The following COL4A4 variants were observed in gnomAD, a reference collection of about 807,000 sequenced individuals.
The protein encoded by COL4A4 is collagen type IV alpha 4 chain.
COL4A4 carries 105 observed loss-of-function variants against 192.9 expected under a neutral mutation model. That is an observed-to-expected ratio of 0.54 (90% CI 0.46 to 0.64). The LOEUF (loss-of-function observed/expected upper bound fraction) is 0.64, where lower values mean the gene tolerates loss of function less well. Among genes scored for constraint, COL4A4 ranks in the 30% least tolerant of loss-of-function variants. The pLI, the probability that COL4A4 is intolerant of heterozygous loss-of-function variation, is 0.00. For missense variants in COL4A4, 1,967 were observed against 2,169.3 expected, an observed-to-expected ratio of 0.91 and a Z score of 1.85; for synonymous variants, 762 against 769.9, an observed-to-expected ratio of 0.99 and a Z score of 0.17.
intron 25 of COL4A4, among the ~76,000 whole-genome samples, chr2:227,076,526 C>T (rs1449405674): frequency 2.0e-5 from 3 of 152,118 alleles, no homozygotes; most frequent in Non-Finnish European, 2.9e-5. Context: ...AAACCCAAAA[C>T]CATAAAAACC....
At chr2:227,119,706 T>C (rs1005092546) in intron 6 of COL4A4, among the ~76,000 whole-genome samples, 189 bp downstream of exon 6, 1 of 148,814 alleles carries the variant, frequency 6.7e-6, no homozygotes, top group Non-Finnish European at 1.5e-5. Flanking sequence ...TATGTAGATA[T>C]ATATTATGGT....
At chr2:227,084,064 C>A (rs775987330) in intron 22 of COL4A4, among the ~76,000 whole-genome samples, 4 of 152,084 alleles carry the variant, frequency 2.6e-5, no homozygotes, top group Admixed American at 1.3e-4. Context: ...GTCTGTGAAC[C>A]ATCAAAAAGG....
chr2:227,159,455 G>T (rs1376704339), intron 1 of COL4A4, among the ~76,000 whole-genome samples: 1 of 152,210 alleles, frequency 6.6e-6, no homozygotes, highest in Admixed American at 6.5e-5. Flanking sequence ...GCTTTAAGTG[G>T]ATGCAATTTA....
At chr2:226,990,397 T>C in the COL4A4 span, among the ~76,000 whole-genome samples, 1 of 152,158 alleles carries the variant, frequency 6.6e-6, no homozygotes, top group Non-Finnish European at 1.5e-5. Context: ...TTTCCTGGTT[T>C]AGAAAAAAAG....
Position 227,118,924 on chromosome 2 carries a change from A to G in COL4A4, c.373-163T>C, listed in dbSNP as rs56153742. Among the ~76,000 whole-genome samples, 3,207 of 152,342 alleles carry G rather than the reference A, an allele frequency of 0.021. 52 individuals are homozygous for G. The highest frequency in any genetic ancestry group is 0.03 in the Non-Finnish European group (2,059 of 68,026). On this transcript the variant is annotated intron_variant, in intron 6 of 47. Transcript: ENST00000396625. ...CCAAAAGGCTACGTAGCATGTAAAA[A>G]TAAAACCTAAATTTTTTTTAAGATA...
At chr2:227,088,623 C>A (rs1378066707) in intron 22 of COL4A4, 30 bp downstream of exon 22, 1 of 1,613,200 alleles carries the variant, frequency 6.2e-7, no homozygotes, top group Non-Finnish European at 8.5e-7. Flanking sequence ...TCTCTTTTAA[C>A]TGGAAAGATG....
chr2:226,971,679 T>C, the COL4A4 span, among the ~76,000 whole-genome samples: 28 of 152,366 alleles, frequency 1.8e-4, no homozygotes, highest in African/African-American at 6.5e-4. Flanking sequence ...ACAAGTTTCT[T>C]GACAAAATCA....
intron 44 of COL4A4, among the ~76,000 whole-genome samples, chr2:227,016,673 G>C (rs549824403): frequency 2.5e-4 from 38 of 152,258 alleles, no homozygotes; most frequent in African/African-American, 5.5e-4. Flanking sequence ...TTGCCTGCCT[G>C]AGAGTGTCCC....
At chr2:227,131,574 G>A (rs943094740) in intron 4 of COL4A4, among the ~76,000 whole-genome samples, 2 of 152,136 alleles carry the variant, frequency 1.3e-5, no homozygotes, top group South Asian at 2.1e-4. Context: ...CCCACTTCAG[G>A]GCTCAAGCGG....
intron 46 of COL4A4, 49 bp downstream of exon 46, chr2:227,010,264 C>G (rs1413184917): frequency 2.1e-5 from 33 of 1,595,420 alleles, no homozygotes; most frequent in Non-Finnish European, 2.8e-5. Flanking sequence ...AAAATTAACC[C>G]CAAATTTTAC....
At position 227,111,674 on chromosome 2, in the gene COL4A4, T is replaced by A; in HGVS notation, c.594+4A>T. ...GAAGCATAGAGCCTGCTCAGGAGACTTACTGGTAAGCCAGGCAGTCCTGGG... is the reference window on the plus strand; with the variant it reads ...GAAGCATAGAGCCTGCTCAGGAGACATACTGGTAAGCCAGGCAGTCCTGGG... On this transcript the variant is annotated splice_donor_region_variant and intron_variant, in intron 9 of 47. Transcript: ENST00000396625. The A allele has an allele frequency of 6.2e-7, 1 of 1,614,108 alleles. No individual in the cohort carries two copies. The highest frequency in any genetic ancestry group is 8.5e-7 in the Non-Finnish European group (1 of 1,179,946).
chr2:227,127,308 CTCTT>C lies in COL4A4; in HGVS notation c.193-6164_193-6161del, dbSNP rs1196718449. ...ATGCCATGTGAAGCCACTAGATCAT[CTCTT>C]TCTTTCTTTCTTTTGGTTCAAAGGC... On this transcript the variant is annotated intron_variant, in intron 4 of 47. Coordinates refer to ENST00000396625, the MANE Select transcript of COL4A4 (RefSeq NM_000092.5). 7.2e-5 allele frequency among the ~76,000 whole-genome samples: 11 copies of C among 152,290 alleles called. No individual in the cohort carries two copies. The South Asian group carries it at 1.9e-3, about 26-fold the overall frequency.
chr2:227,095,924 AT>A (rs2060187144), intron 19 of COL4A4, among the ~76,000 whole-genome samples: 1 of 152,102 alleles, frequency 6.6e-6, no homozygotes. Flanking sequence ...AAAAAAAAAG[AT>A]AGCCGGAAGC....
chr2:227,144,279 T>C (rs2063403015), intron 3 of COL4A4, among the ~76,000 whole-genome samples: 1 of 152,194 alleles, frequency 6.6e-6, no homozygotes, highest in Non-Finnish European at 1.5e-5. Context: ...AAAAAAACTT[T>C]TAAAGAAAGG....
chr2:227,108,922 T>A (rs1468343302), intron 10 of COL4A4, 54 bp from the exon 11 acceptor site: 1 of 1,560,876 alleles, frequency 6.4e-7, no homozygotes, highest in South Asian at 1.1e-5. Flanking sequence ...GAAATCAGAA[T>A]GTGCCTTCTT....
At chr2:227,034,810 T>C (rs1021719556) in intron 37 of COL4A4, among the ~76,000 whole-genome samples, 1 of 144,426 alleles carries the variant, frequency 6.9e-6, no homozygotes. Context: ...AGTGAGAATA[T>C]GTGGTGTTTG....
intron 19 of COL4A4, among the ~76,000 whole-genome samples, chr2:227,095,234 A>G (rs558056745): frequency 6.6e-6 from 1 of 152,240 alleles, no homozygotes; most frequent in Non-Finnish European, 1.5e-5. Flanking sequence ...TAGCATACTT[A>G]GTGGGTAAAA....
At chr2:227,077,533 T>C (rs114060340) in intron 25 of COL4A4, among the ~76,000 whole-genome samples, 1,766 of 152,066 alleles carry the variant, frequency 0.012, 23 homozygotes, top group African/African-American at 0.041. Flanking sequence ...TTAGGACAAA[T>C]ACCTTAATGC....
At chr2:227,041,900 A>AAGAAAGAAAGAAAG (rs1559479159) in intron 37 of COL4A4, among the ~76,000 whole-genome samples, 7 of 150,346 alleles carry the variant, frequency 4.7e-5, no homozygotes, top group African/African-American at 1.5e-4. Flanking sequence ...GAAAGAAAGA[A>AAGAAAGAAAGAAAG]AGAAAGAAAG....
Sources: gnomAD v4.1 joint callset for allele counts (sites outside exome capture counted in the v4.1 genomes callset) on GRCh38, gnomAD v4.1.1 for gene constraint, MANE v1.5 for transcripts, NCBI Gene and HGNC (gene_info 2026-07-23, HGNC 2026-07-21) for gene names.